MICAL3: variants seen among roughly 807,000 people sequenced by gnomAD.
MICAL3 encodes the protein [F-actin]-monooxygenase MICAL3.
A neutral mutation model predicts 207.4 loss-of-function variants in MICAL3; 62 were observed. That is an observed-to-expected ratio of 0.30 (90% confidence interval 0.24 to 0.37). The LOEUF is 0.37. MICAL3 is among the 10% of genes least tolerant of loss of function. MICAL3 has a pLI of 1.00. For synonymous variants in MICAL3, 1,077 were observed against 1,069.3 expected (o/e 1.01, Z -0.14); for missense variants, 2,368 against 2,635.6 (o/e 0.90, Z 2.22).
At chr22:17,919,954 G>A (rs980829893) in intron 1 of MICAL3, among the ~76,000 whole-genome samples, 5 of 152,244 alleles carry the variant, frequency 3.3e-5, no homozygotes, top group African/African-American at 1.2e-4. Flanking sequence ...CTACCCCAGA[G>A]ACGAGTGAAG....
At chr22:18,011,140 C>G (rs570928222) in intron 1 of MICAL3, among the ~76,000 whole-genome samples, 6 of 152,302 alleles carry the variant, frequency 3.9e-5, no homozygotes, top group Non-Finnish European at 7.3e-5. Flanking sequence ...GGGACTGTAT[C>G]ACACCACAAT....
At chr22:17,860,129 AG>A (rs3834681) in intron 19 of MICAL3, 226,210 of 940,820 alleles carry the variant, frequency 0.24, 27,849 homozygotes, top group East Asian at 0.32. Flanking sequence ...GTCAAGAGAA[AG>A]GGAAGGAAAA....
Position 17,896,504 on chromosome 22 carries a change from G to C in MICAL3, c.1207-143C>G, listed in dbSNP as rs1930846291. The C allele has an allele frequency of 6.6e-6, 5 of 751,950 alleles. No individual in the cohort carries two copies. The East Asian group carries it at 1.3e-4, about 20-fold the overall frequency. 46.6% of individuals were successfully genotyped at this position (751,950 alleles called of 1,614,324 possible). A position where few individuals can be genotyped will look rare whatever the true frequency, so the allele number is the denominator to read the frequency against. ...ACAAATTGCTCTCCTTCCCAGATTG[G>C]CAAGGAGTAAGTCAAAAAGGGGCAG... On this transcript the variant is annotated intron_variant, in intron 8 of 31. Coordinates refer to ENST00000441493, the MANE Select transcript of MICAL3 (RefSeq NM_015241.3).
chr22:17,942,046 C>G (rs1933830868), intron 1 of MICAL3, among the ~76,000 whole-genome samples: 3 of 152,326 alleles, frequency 2.0e-5, no homozygotes, highest in East Asian at 3.9e-4. Context: ...CAAGGAGAGG[C>G]GCCCAGCCAC....
At chr22:17,880,625 G>C (rs941661404) in intron 16 of MICAL3, among the ~76,000 whole-genome samples, 3 of 152,164 alleles carry the variant, frequency 2.0e-5, no homozygotes, top group Non-Finnish European at 4.4e-5. Context: ...ACATGCCGCA[G>C]ACACACGCCT....
At chr22:17,830,218 A>T (rs1157143606) in intron 21 of MICAL3, among the ~76,000 whole-genome samples, 1 of 152,040 alleles carries the variant, frequency 6.6e-6, no homozygotes, top group Non-Finnish European at 1.5e-5. Context: ...TCAAGCAGGG[A>T]GGGAAGAGAA....
intron 1 of MICAL3, among the ~76,000 whole-genome samples, chr22:17,955,077 G>A (rs1934550100): frequency 6.6e-6 from 1 of 152,064 alleles, no homozygotes; most frequent in Non-Finnish European, 1.5e-5. Flanking sequence ...AAGTTATTCA[G>A]CCTCTCTGAT....
rs1041103841 is a variant in MICAL3 at position 17,902,905 on chromosome 22, T to G, written c.473-158A>C. Among the ~76,000 whole-genome samples the G allele has an allele frequency of 3.9e-5, 6 of 152,210 alleles. No homozygotes were observed. The highest frequency in any genetic ancestry group is 7.2e-5 in the African/African-American group (3 of 41,444). ...ACCTTCCAAAGCCACGCTCTGTAAC[T>G]TCTTCCTTTCTTAAAGGCAAATATA... On this transcript the variant is annotated intron_variant, in intron 3 of 31. Coordinates refer to ENST00000441493, the MANE Select transcript of MICAL3 (RefSeq NM_015241.3). This position sits in a 1 kb window ranked among gnomAD's most constrained non-coding sequence, Gnocchi z 4.5.
chr22:17,887,590 G>A (rs1281324613), intron 13 of MICAL3, among the ~76,000 whole-genome samples, 155 bp from the exon 14 acceptor site: 2 of 152,188 alleles, frequency 1.3e-5, no homozygotes, highest in African/African-American at 4.8e-5. Context: ...AGTAGGAAAC[G>A]CCACGGAGGA....
Position 17,907,848 on chromosome 22 carries a change from G to A in MICAL3, c.-74-962C>T, listed in dbSNP as rs78033035. The stretch of plus-strand genomic sequence containing the variant: ...AGAACTGAAGAAGTCCTGCTATTGC[G>A]TAAGGTACAGGGTTGGGAGACTTCA... On this transcript the variant is annotated intron_variant, in intron 1 of 31. Coordinates refer to ENST00000441493, the MANE Select transcript of MICAL3 (RefSeq NM_015241.3). 8.2e-3 allele frequency among the ~76,000 whole-genome samples: 1,252 copies of A among 152,344 alleles called. 20 individuals carry two copies. The highest frequency in any genetic ancestry group is 0.027 in the African/African-American group (1,115 of 41,590).
chr22:17,906,315 C>T (rs1931714390), intron 2 of MICAL3, among the ~76,000 whole-genome samples: 1 of 152,190 alleles, frequency 6.6e-6, no homozygotes, highest in Non-Finnish European at 1.5e-5. Context: ...AGCCTGATTT[C>T]TTATGCTAGG....
At chr22:17,965,832 C>T (rs1010882915) in intron 1 of MICAL3, among the ~76,000 whole-genome samples, 11 of 152,184 alleles carry the variant, frequency 7.2e-5, no homozygotes, top group Admixed American at 6.5e-4. Context: ...GATCACTTGT[C>T]CAACTAGTAA....
chr22:18,003,486 A>G lies in MICAL3; in HGVS notation c.-75+20795T>C, dbSNP rs552382022. On this transcript the variant is annotated intron_variant, in intron 1 of 31. Coordinates refer to ENST00000441493, the MANE Select transcript of MICAL3 (RefSeq NM_015241.3). The stretch of plus-strand genomic sequence containing the variant: ...CAAACCCCACTGCTCACCCCTCCCT[A>G]GAGCTGCGAAAGTGCTCGTCCCTAA... Among the ~76,000 whole-genome samples, 26 of 152,252 alleles carry G rather than the reference A, an allele frequency of 1.7e-4. No individual in the cohort carries two copies. The South Asian group carries it at 5.2e-3, about 30-fold the overall frequency.
chr22:17,868,671 G>T (rs1240153382), intron 17 of MICAL3, among the ~76,000 whole-genome samples: 1 of 151,918 alleles, frequency 6.6e-6, no homozygotes, highest in East Asian at 1.9e-4. Context: ...CCAAATTAAG[G>T]AATCCTGATA....
chr22:17,880,286 G>A (rs1276556125), intron 16 of MICAL3, among the ~76,000 whole-genome samples: 2 of 152,164 alleles, frequency 1.3e-5, no homozygotes, highest in Non-Finnish European at 2.9e-5. Flanking sequence ...CTGGTAAAAC[G>A]GAGCCAGTAA....
At chr22:17,954,055 T>C (rs547685246) in intron 1 of MICAL3, among the ~76,000 whole-genome samples, 4 of 148,726 alleles carry the variant, frequency 2.7e-5, no homozygotes, top group East Asian at 2.0e-4. Context: ...ATATGAAATA[T>C]ATGAGGTGAG....
chr22:18,024,551 C>G lies in MICAL3; in HGVS notation c.-345G>C, dbSNP rs1048542560. 3 of 151,774 alleles carry G rather than the reference C, an allele frequency of 2.0e-5. No individual in the cohort carries two copies. Among genetic ancestry groups the G allele is most frequent in the Non-Finnish European group, 4.4e-5 (3 of 67,916 alleles). 9.4% of individuals were successfully genotyped at this position (151,774 alleles called of 1,614,324 possible). A position where few individuals can be genotyped will look rare whatever the true frequency, so the allele number is the denominator to read the frequency against. ...CGGGACTCCGCCGGGGCTGCAGGAG[C>G]GCGCGCTGCTGGCTGGGCGGGCTGC... On this transcript the variant is annotated 5_prime_UTR_variant, in exon 1 of 32. Coordinates refer to ENST00000441493, the MANE Select transcript of MICAL3 (RefSeq NM_015241.3).
intron 1 of MICAL3, among the ~76,000 whole-genome samples, chr22:17,921,655 A>AT (rs1932802637): frequency 6.6e-6 from 1 of 151,892 alleles, no homozygotes; most frequent in Non-Finnish European, 1.5e-5. Flanking sequence ...CACCTGGATA[A>AT]TTTTCATATT....
At chr22:17,836,817 G>A (rs1923435457) in intron 20 of MICAL3, among the ~76,000 whole-genome samples, 1 of 152,032 alleles carries the variant, frequency 6.6e-6, no homozygotes, top group African/African-American at 2.4e-5. Flanking sequence ...CTAATTTTTT[G>A]TACTTTTTTA....
Sources: gnomAD v4.1 joint callset for allele counts (sites outside exome capture counted in the v4.1 genomes callset) on GRCh38, gnomAD v4.1.1 for gene constraint, Gnocchi (gnomAD v3.1) non-coding constraint, MANE v1.5 for transcripts, NCBI Gene and HGNC (gene_info 2026-07-23, HGNC 2026-07-21) for gene names.